Variants in BMX observed in about 807,000 individuals in gnomAD.
BMX encodes BMX non-receptor tyrosine kinase.
BMX carries 31 observed loss-of-function variants against 59.2 expected under a neutral mutation model. The ratio of observed to expected loss-of-function variants is 0.52; its 90% CI spans 0.39 to 0.71. BMX has a LOEUF of 0.71. Ranked by LOEUF, BMX falls within the 30% of genes least tolerant of loss-of-function variation. The probability of loss-of-function intolerance (pLI) is 0.00; values close to 1 mark genes in which losing one functional copy is unlikely to be tolerated. For synonymous variants in BMX, 185 were observed against 181.0 expected (o/e 1.02, Z -0.18); for missense variants, 474 against 491.7 (o/e 0.96, Z 0.34).
Position 15,556,375 on chromosome X carries a change from T to C in BMX, c.*228T>C, listed in dbSNP as rs1926435276. 2 of 302,017 alleles carry C rather than the reference T, an allele frequency of 6.6e-6. No homozygotes were observed. The highest frequency in any genetic ancestry group is 1.1e-5 in the Non-Finnish European group (2 of 174,698). The allele number at this position is 302,017 out of a possible 1,213,427, so 24.9% of individuals were successfully genotyped here. On this transcript the variant is annotated 3_prime_UTR_variant, in exon 19 of 19. Transcript: ENST00000348343. ...GCTCCTGATATAACACTTTCCAGCC[T>C]ATAGCAGAAGCACATTTTCAGACTG...
At position 15,525,150 on chromosome X, in the gene BMX, A is replaced by C; in HGVS notation, c.753-138A>C. 6.8e-6 allele frequency: 4 copies of C among 585,987 alleles called. No individual in the cohort carries two copies. The South Asian group carries it at 1.7e-4, about 25-fold the overall frequency. The allele number at this position is 585,987 out of a possible 1,213,427, so 48.3% of individuals were successfully genotyped here. ...AAATGTGAAAGTAACTCATTAGCTT[A>C]AATTTCCCAAACAAGTGAAATGTGT... is the stretch of plus-strand genomic sequence containing the variant. On this transcript the variant is annotated intron_variant, in intron 7 of 18. Coordinates refer to ENST00000348343, the MANE Select transcript of BMX (RefSeq NM_203281.3).
chrX:15,536,573 TAAA>T, intron 13 of BMX, 146 bp downstream of exon 13: 4 of 330,895 alleles, frequency 1.2e-5, no homozygotes, highest in Admixed American at 5.6e-5. Flanking sequence ...GGATTTTCTT[TAAA>T]AAAAAAAAAA....
intron 14 of BMX, among the ~76,000 whole-genome samples, chrX:15,540,680 T>A (rs1601659937): frequency 9.0e-6 from 1 of 111,353 alleles, no homozygotes; most frequent in Admixed American, 9.6e-5. Flanking sequence ...TTATTTGTAA[T>A]TCATATTATG....
intron 1 of BMX, 94 bp from the exon 2 acceptor site, chrX:15,508,251 C>A (rs1923815126): frequency 5.6e-6 from 3 of 537,651 alleles, no homozygotes; most frequent in African/African-American, 2.4e-5. Flanking sequence ...TTATATTATC[C>A]CTTAATAGGA....
In BMX at chrX:15,534,320, T is replaced by C; in HGVS notation, c.1128T>C (p.Tyr376=). ...ATTCCATTCCAAAGCTTATTCATTA[T>C]CATCAACACAATTCAGCAGGTAACT... is the stretch of plus-strand genomic sequence containing the variant. ...CFDSIPKLIH[Y]HQHNSAGMIT... The change falls in exon 12 of 19, where the codon TAT becomes TAC. Residue 376 remains tyrosine (Y), a synonymous_variant. Coordinates refer to ENST00000348343, the MANE Select transcript of BMX (RefSeq NM_203281.3). The C allele has an allele frequency of 8.5e-7, 1 of 1,180,916 alleles. No individual in the cohort carries two copies. The highest frequency in any genetic ancestry group is 1.1e-6 in the Non-Finnish European group (1 of 882,969).
chrX:15,515,334 T>A (rs867505111), intron 4 of BMX, among the ~76,000 whole-genome samples: 48 of 110,293 alleles, frequency 4.4e-4, no homozygotes, highest in African/African-American at 1.2e-3. Flanking sequence ...TTAAAAAATT[T>A]TAAAAATTAA....
chrX:15,538,746 G>A (rs757772855), intron 14 of BMX, among the ~76,000 whole-genome samples: 1 of 111,854 alleles, frequency 8.9e-6, no homozygotes, highest in East Asian at 2.8e-4. Context: ...CATTTCTTTA[G>A]TTATTCTTTT....
At chrX:15,538,364 C>A (rs1925481147) in intron 14 of BMX, among the ~76,000 whole-genome samples, 1 of 111,221 alleles carries the variant, frequency 9.0e-6, no homozygotes, top group African/African-American at 3.3e-5. Context: ...ACCTCCCAGC[C>A]CCAGGCAAAC....
At chrX:15,555,050 AT>A (rs1342984258) in intron 18 of BMX, among the ~76,000 whole-genome samples, 2 of 110,825 alleles carry the variant, frequency 1.8e-5, no homozygotes, top group African/African-American at 6.6e-5. Context: ...ATTTTTACAT[AT>A]TTTTTAATTC....
chrX:15,551,203 C>T lies in BMX; in HGVS notation c.1953+1206C>T, dbSNP rs147199627. Reference sequence around the variant, plus strand: ...CTTTTGAGAACATTATTCTAAGAGCCCATGTTCATAATCATTATATGGTAC... The same window carrying T: ...CTTTTGAGAACATTATTCTAAGAGCTCATGTTCATAATCATTATATGGTAC... On this transcript the variant is annotated intron_variant, in intron 18 of 18. Transcript: ENST00000348343. Among the ~76,000 whole-genome samples, 117 of 111,307 alleles carry T rather than the reference C, an allele frequency of 1.1e-3. 1 individual carries two copies. Among genetic ancestry groups the T allele is most frequent in the Admixed American group, 2.2e-3 (23 of 10,489 alleles).
chrX:15,543,246 C>A, intron 16 of BMX, 111 bp downstream of exon 16: 1 of 674,826 alleles, frequency 1.5e-6, no homozygotes, highest in Non-Finnish European at 2.2e-6. Context: ...GAATTGGGGG[C>A]TTAGAAACCT....
At chrX:15,515,296 T>C (rs1486054866) in intron 4 of BMX, among the ~76,000 whole-genome samples, 1 of 110,204 alleles carries the variant, frequency 9.1e-6, no homozygotes, top group African/African-American at 3.3e-5. Context: ...TCTGCACATG[T>C]ATCCCAGAAC....
intron 17 of BMX, 30 bp from the exon 18 acceptor site, chrX:15,549,810 T>A: frequency 8.5e-7 from 1 of 1,181,236 alleles, no homozygotes; most frequent in Non-Finnish European, 1.1e-6. Context: ...TCTTCCTTTT[T>A]TATCTGGGCC....
intron 7 of BMX, among the ~76,000 whole-genome samples, chrX:15,522,933 G>A (rs1292702129): frequency 3.6e-5 from 4 of 111,968 alleles, no homozygotes; most frequent in African/African-American, 1.3e-4. Context: ...CTTTTGTAAT[G>A]TGCTTCAGTA....
chrX:15,526,277 C>G (rs1602342515), intron 9 of BMX, among the ~76,000 whole-genome samples, 182 bp downstream of exon 9: 4 of 112,162 alleles, frequency 3.6e-5, no homozygotes, highest in South Asian at 3.7e-4. Context: ...TGGGTTGTTA[C>G]CAACGAAAAT....
chrX:15,502,287 C>G lies in BMX; in HGVS notation c.-10+1347C>G, dbSNP rs1303442436. 4.5e-5 allele frequency among the ~76,000 whole-genome samples: 5 copies of G among 111,987 alleles called. No homozygotes were observed. The South Asian group carries it at 1.9e-3, about 42-fold the overall frequency. ...AAGCAGTGTTACATGTTTAATTCAG[C>G]ATGAGATGCTAGCTCATGGATTTAT... On this transcript the variant is annotated intron_variant, in intron 1 of 18. Transcript: ENST00000348343.
rs113943131 is a variant in BMX, at chrX:15,516,308, A to C, written c.445+77A>C. 5 of 1,128,135 alleles carry C rather than the reference A, an allele frequency of 4.4e-6. No individual in the cohort carries two copies. The African/African-American group carries it at 8.9e-5, about 20-fold the overall frequency. The allele number at this position is 1,128,135 out of a possible 1,213,427, so 93.0% of individuals were successfully genotyped here. On this transcript the variant is annotated intron_variant, in intron 5 of 18. Coordinates refer to ENST00000348343, the MANE Select transcript of BMX (RefSeq NM_203281.3). Reference sequence around the variant, plus strand: ...TAGGCTAAACCTGCCAGAGGCCAGAAGAGCTTGCCAGAAAACAAGATGTGC... The same window carrying C: ...TAGGCTAAACCTGCCAGAGGCCAGACGAGCTTGCCAGAAAACAAGATGTGC...
chrX:15,514,417 A>C (rs1404499247), intron 4 of BMX, among the ~76,000 whole-genome samples: 1 of 111,578 alleles, frequency 9.0e-6, no homozygotes, highest in African/African-American at 3.3e-5. Flanking sequence ...GGTGCTTTAC[A>C]TACATTATCT....
At position 15,508,240 on chromosome X, in the gene BMX, T is replaced by A. The variant is rs376003041; in HGVS notation, c.-9-105T>A. 5 of 484,389 alleles carry A rather than the reference T, an allele frequency of 1.0e-5. No homozygotes were observed. In the South Asian group the frequency reaches 3.8e-4, roughly 37 times the overall value. 39.9% of individuals were successfully genotyped at this position (484,389 alleles called of 1,213,427 possible). A position where few individuals can be genotyped will look rare whatever the true frequency, so the allele number is the denominator to read the frequency against. ...TCAGTCTCATTTATTAAAATCAGCA[T>A]TTATATTATCCCTTAATAGGAAATC... On this transcript the variant is annotated intron_variant, in intron 1 of 18. Transcript: ENST00000348343.
Sources: gnomAD v4.1 joint callset for allele counts (sites outside exome capture counted in the v4.1 genomes callset) on GRCh38, gnomAD v4.1.1 for gene constraint, MANE v1.5 for transcripts, NCBI Gene and HGNC (gene_info 2026-07-23, HGNC 2026-07-21) for gene names.